DSC3: variants seen among roughly 807,000 people sequenced by gnomAD.
The protein encoded by DSC3 is desmocollin-3.
DSC3 carries 97 observed loss-of-function variants against 89.5 expected under a neutral mutation model. The ratio of observed to expected loss-of-function variants is 1.08; its 90% CI spans 0.92 to 1.28. DSC3 has a LOEUF of 1.28. DSC3 is among the 50% of genes most tolerant of loss of function. The pLI, the probability that DSC3 is intolerant of heterozygous loss-of-function variation, is 0.00. For synonymous variants in DSC3, 436 were observed against 384.1 expected (o/e 1.14, Z -1.58); for missense variants, 1,199 against 1,085.3 (o/e 1.10, Z -1.47).
In DSC3 at chr18:30,996,567, A is replaced by C. The variant is rs1789051; in HGVS notation, c.2493+224T>G. Among the ~76,000 whole-genome samples, 23,994 of 152,086 alleles carry C rather than the reference A, an allele frequency of 0.16. 3,033 individuals carry two copies. The highest frequency in any genetic ancestry group is 0.34 in the African/African-American group (14,225 of 41,408). On this transcript the variant is annotated intron_variant, in intron 15 of 15. Transcript: ENST00000360428. The stretch of plus-strand genomic sequence containing the variant: ...GACGTTAGTGAAGAATATTAAAAAC[A>C]TCCTATATTTATGGGATTTTATAAA...
chr18:31,018,050 G>A, intron 9 of DSC3, 21 bp downstream of exon 9: 1 of 1,599,316 alleles, frequency 6.3e-7, no homozygotes, highest in Non-Finnish European at 8.5e-7. Context: ...TTGCTAAGTT[G>A]TCAATTATAC....
intron 12 of DSC3, among the ~76,000 whole-genome samples, chr18:31,006,069 A>G (rs1984828481): frequency 1.3e-5 from 2 of 152,208 alleles, no homozygotes; most frequent in South Asian, 4.1e-4. Context: ...CAGTAACAAC[A>G]GAATGAAGTA....
chr18:31,008,190 C>A, intron 10 of DSC3, 32 bp from the exon 11 acceptor site: 2 of 1,607,290 alleles, frequency 1.2e-6, no homozygotes, highest in Non-Finnish European at 8.5e-7. Context: ...TCTTTAGCAT[C>A]AGAAAATGTT....
chr18:30,994,792 T>C (rs867003714), intron 15 of DSC3, among the ~76,000 whole-genome samples: 2 of 152,198 alleles, frequency 1.3e-5, no homozygotes, highest in South Asian at 4.1e-4. Context: ...TTTGGGCAAG[T>C]GACCAAATAT....
intron 5 of DSC3, among the ~76,000 whole-genome samples, chr18:31,025,132 A>G (rs886166186): frequency 1.3e-5 from 2 of 152,160 alleles, no homozygotes; most frequent in South Asian, 4.1e-4. Flanking sequence ...TTTTGTAGGA[A>G]CAGAATCTCT....
intron 1 of DSC3, among the ~76,000 whole-genome samples, chr18:31,040,919 A>C (rs1986108566): frequency 3.9e-5 from 6 of 152,184 alleles, no homozygotes; most frequent in Admixed American, 3.9e-4. Flanking sequence ...TGACAATTGC[A>C]GATGAAATAG....
chr18:31,025,144 T>A (rs575804516), intron 5 of DSC3, among the ~76,000 whole-genome samples: 2 of 152,290 alleles, frequency 1.3e-5, no homozygotes, highest in Admixed American at 6.5e-5. Context: ...AGAATCTCTC[T>A]TTCCGAAAAT....
chr18:30,999,912 G>A (rs1984595750), intron 14 of DSC3, among the ~76,000 whole-genome samples: 1 of 152,134 alleles, frequency 6.6e-6, no homozygotes, highest in Non-Finnish European at 1.5e-5. Flanking sequence ...TACATATTGT[G>A]AAATGGCCAC....
chr18:31,033,341 AC>A (rs1343311570), intron 1 of DSC3, among the ~76,000 whole-genome samples: 1 of 152,176 alleles, frequency 6.6e-6, no homozygotes, highest in Non-Finnish European at 1.5e-5. Context: ...AAACTGAAAG[AC>A]CTATTTACCA....
intron 11 of DSC3, among the ~76,000 whole-genome samples, chr18:31,007,643 G>GA (rs2144691265): frequency 6.6e-6 from 1 of 152,244 alleles, no homozygotes; most frequent in Admixed American, 6.5e-5. Flanking sequence ...CAGAATTCAA[G>GA]AAAAGGATCA....
intron 6 of DSC3, 60 bp downstream of exon 6, chr18:31,024,289 T>C: frequency 6.8e-7 from 1 of 1,478,280 alleles, no homozygotes; most frequent in African/African-American, 1.4e-5. Context: ...GCTCTATGTC[T>C]TTTAAAATGT....
intron 7 of DSC3, among the ~76,000 whole-genome samples, chr18:31,021,746 T>C (rs969176977): frequency 2.0e-5 from 3 of 152,204 alleles, no homozygotes; most frequent in Non-Finnish European, 4.4e-5. Context: ...TCAATGTTTC[T>C]GTCACATTTC....
intron 3 of DSC3, among the ~76,000 whole-genome samples, chr18:31,030,011 G>T (rs1189048674): frequency 2.6e-5 from 4 of 152,098 alleles, no homozygotes; most frequent in African/African-American, 7.2e-5. Context: ...CATGCCCTTA[G>T]GTCAGAGAAA....
intron 4 of DSC3, among the ~76,000 whole-genome samples, chr18:31,028,225 G>A (rs276944): frequency 0.47 from 70,868 of 151,908 alleles, 17,155 homozygotes; most frequent in East Asian, 0.88. Context: ...GGAGGCTAGG[G>A]GGATGGATGA....
At chr18:31,030,670 TA>T (rs1985755476) in intron 3 of DSC3, among the ~76,000 whole-genome samples, 1 of 144,098 alleles carries the variant, frequency 6.9e-6, no homozygotes, top group African/African-American at 2.6e-5. Flanking sequence ...GAGACAAAAA[TA>T]GAGTGAGAGG....
rs1241003352 is a variant in DSC3, at chr18:30,994,007, TG to T, written c.*167del. The T allele has an allele frequency of 1.5e-6, 1 of 671,676 alleles. No homozygotes were observed. The highest frequency in any genetic ancestry group is 1.8e-5 in the African/African-American group (1 of 54,824). The allele number at this position is 671,676 out of a possible 1,614,324, so 41.6% of individuals were successfully genotyped here. ...GTCTGTTTTAACATTTTTCACTTTT[TG>T]GAAAAGATAAGCAACAACTTGCTTT... is the stretch of plus-strand genomic sequence containing the variant. On this transcript the variant is annotated 3_prime_UTR_variant, in exon 16 of 16. Coordinates refer to ENST00000360428, the MANE Select transcript of DSC3 (RefSeq NM_001941.5).
Position 31,008,035 on chromosome 18 carries a change from T to C in DSC3, c.1644A>G (p.Thr548=). Residue 548 remains threonine, a synonymous_variant, in exon 11 of 16, where the codon ACA becomes ACG. Transcript: ENST00000360428. ...TTTTACCTTTGTCTATTGCCAGGACTGTAATATTATACAACTCATTTTTGG... is the reference window on the plus strand; with the variant it reads ...TTTTACCTTTGTCTATTGCCAGGACCGTAATATTATACAACTCATTTTTGG... ...ETPKNELYNI[T]VLAIDKDDRS... is the part of the protein sequence containing the mutation. 1 of 1,613,300 alleles carries C rather than the reference T, an allele frequency of 6.2e-7. No homozygotes were observed. Among genetic ancestry groups the C allele is most frequent in the Non-Finnish European group, 8.5e-7 (1 of 1,179,554 alleles).
chr18:31,026,049 C>A, intron 4 of DSC3, 134 bp from the exon 5 acceptor site: 1 of 914,476 alleles, frequency 1.1e-6, no homozygotes, highest in Non-Finnish European at 1.6e-6. Context: ...CAATAATAAC[C>A]ATTGTTGGCA....
At chr18:31,010,612 G>A (rs1401489913) in intron 9 of DSC3, among the ~76,000 whole-genome samples, 1 of 152,142 alleles carries the variant, frequency 6.6e-6, no homozygotes, top group Non-Finnish European at 1.5e-5. Flanking sequence ...CTCAGGGTAC[G>A]TTTTTGTTTC....
Sources: gnomAD v4.1 joint callset for allele counts (sites outside exome capture counted in the v4.1 genomes callset) on GRCh38, gnomAD v4.1.1 for gene constraint, MANE v1.5 for transcripts, NCBI Gene and HGNC (gene_info 2026-07-23, HGNC 2026-07-21) for gene names.